The following PCNX1 variants were observed in gnomAD, a reference collection of about 807,000 sequenced individuals.
The protein encoded by PCNX1 is pecanex 1.
Under a neutral mutation model 242.2 loss-of-function variants are expected in PCNX1, and 78 were observed. That is an observed-to-expected ratio of 0.32 (90% CI 0.27 to 0.39). The LOEUF (loss-of-function observed/expected upper bound fraction) is 0.39. PCNX1 is among the 10% of genes least tolerant of loss of function. The probability of loss-of-function intolerance (pLI) is 1.00; values close to 1 mark genes in which losing one functional copy is unlikely to be tolerated. For synonymous variants in PCNX1, 1,024 were observed against 1,032.9 expected (o/e 0.99, Z 0.17); for missense variants, 2,581 against 2,856.5 (o/e 0.90, Z 2.20).
chr14:71,108,794 C>T lies in PCNX1; in HGVS notation c.6492C>T (p.Ser2164=). 6.2e-7 allele frequency: 1 copy of T among 1,614,258 alleles called. No homozygotes were observed. Among genetic ancestry groups the T allele is most frequent in the Non-Finnish European group, 8.5e-7 (1 of 1,180,052 alleles). ...TATCGCTTCGAAACTTGCCATCATC[C>T]ATCCAATCCCGACTGTCGATGGTGA... is the stretch of plus-strand genomic sequence containing the variant. The part of the protein sequence containing the change: ...SQISLRNLPS[S]IQSRLSMVNQ... Residue 2164 remains serine, a synonymous_variant, in exon 34 of 36, where the codon TCC becomes TCT. Coordinates refer to ENST00000304743, the MANE Select transcript of PCNX1 (RefSeq NM_014982.3).
At chr14:71,012,864 G>A (rs568126656) in intron 10 of PCNX1, 121 bp from the exon 11 acceptor site, 1 of 725,676 alleles carries the variant, frequency 1.4e-6, no homozygotes, top group South Asian at 1.7e-5. Context: ...AAATTAAAGG[G>A]CTTAGATAAC....
At chr14:71,051,837 T>C in intron 23 of PCNX1, 46 bp from the exon 24 acceptor site, 9 of 1,591,348 alleles carry the variant, frequency 5.7e-6, no homozygotes, top group Non-Finnish European at 7.7e-6. Flanking sequence ...TTGTTTGGCA[T>C]CTGTGCTCAG....
chr14:71,067,556 CT>C (rs1402586856), intron 26 of PCNX1, among the ~76,000 whole-genome samples: 1 of 152,118 alleles, frequency 6.6e-6, no homozygotes, highest in Non-Finnish European at 1.5e-5. Flanking sequence ...AAAAAACCAG[CT>C]CCTAGCTTCA....
chr14:71,087,173 T>C (rs1474371405), intron 28 of PCNX1, among the ~76,000 whole-genome samples: 1 of 152,204 alleles, frequency 6.6e-6, no homozygotes, highest in Non-Finnish European at 1.5e-5. Context: ...CTTTTATTTT[T>C]CTTTTGTATT....
At chr14:70,940,053 C>T (rs930778091) in intron 1 of PCNX1, among the ~76,000 whole-genome samples, 2 of 152,070 alleles carry the variant, frequency 1.3e-5, no homozygotes, top group African/African-American at 2.4e-5. Context: ...CTGAATGCAG[C>T]GCACACTGAT....
At chr14:71,026,636 C>G (rs549876395) in intron 14 of PCNX1, 136 bp from the exon 15 acceptor site, 6 of 465,718 alleles carry the variant, frequency 1.3e-5, no homozygotes, top group African/African-American at 1.2e-4. Context: ...TGAGAGGTAT[C>G]ATTTAAAATA....
intron 10 of PCNX1, 174 bp from the exon 11 acceptor site, chr14:71,012,809 ACT>A (rs1242756640): frequency 9.1e-6 from 5 of 551,160 alleles, no homozygotes; most frequent in African/African-American, 2.2e-5. Flanking sequence ...TTCAGACAAG[ACT>A]CTGTCTCAAA....
intron 2 of PCNX1, among the ~76,000 whole-genome samples, chr14:70,951,887 T>A (rs983854427): frequency 4.6e-5 from 7 of 152,250 alleles, no homozygotes; most frequent in African/African-American, 1.4e-4. Context: ...TTATCTTTTA[T>A]GTCTTATAAC....
chr14:70,978,555 G>T lies in PCNX1; in HGVS notation c.2218G>T (p.Ala740Ser). The T allele has an allele frequency of 1.9e-6, 3 of 1,614,106 alleles. No individual in the cohort carries two copies. Among genetic ancestry groups the T allele is most frequent in the Non-Finnish European group, 2.5e-6 (3 of 1,179,988 alleles). ...AGATGAGCTATCTTTATTAGGACGG[G>T]CTTCCCAGTTAGAGACAGTCACTCG... ...VLDELSLLGRASQLETVTRSR... is the reference protein window; with the variant it reads ...VLDELSLLGRSSQLETVTRSR... The change falls in exon 6 of 36, where the codon GCT becomes TCT. Residue 740 changes from alanine (A) to serine (S), a missense_variant. Physicochemically the swap from Ala to Ser is moderately conservative, Grantham distance 99. Transcript: ENST00000304743.
In PCNX1 at chr14:70,978,130, A is replaced by G. The variant is rs778806534; in HGVS notation, c.1793A>G (p.His598Arg). The G allele has an allele frequency of 1.9e-6, 3 of 1,614,168 alleles. No homozygotes were observed. The highest frequency in any genetic ancestry group is 1.1e-5 in the South Asian group (1 of 91,084). ...AAGCCACACAGTGCTATATTTTGTC[A>G]TGACGAAGACTCTAGTGATCAGAGT... The part of the protein sequence containing the change: ...GTKPHSAIFC[H>R]DEDSSDQSDL... The change falls in exon 6 of 36, where the codon CAT (histidine) becomes CGT (arginine). Residue 598 changes from histidine to arginine, a missense_variant. Transcript: ENST00000304743.
intron 23 of PCNX1, 60 bp downstream of exon 23, chr14:71,050,820 G>C: frequency 1.4e-6 from 2 of 1,464,300 alleles, no homozygotes; most frequent in Admixed American, 3.7e-5. Context: ...AAGAATGTTG[G>C]TTTATAGGCA....
chr14:71,028,878 C>T (rs1374164084), intron 16 of PCNX1, 87 bp downstream of exon 16: 1 of 705,860 alleles, frequency 1.4e-6, no homozygotes, highest in South Asian at 2.1e-5. Context: ...ATGATTTCTT[C>T]CCCTGGTATC....
At chr14:70,950,205 T>G (rs2057722072) in intron 2 of PCNX1, among the ~76,000 whole-genome samples, 1 of 152,204 alleles carries the variant, frequency 6.6e-6, no homozygotes, top group African/African-American at 2.4e-5. Context: ...TATCTGAAAT[T>G]ATCTTAACAT....
At position 71,011,502 on chromosome 14, in the gene PCNX1, T is replaced by G. The variant is rs2059820338; in HGVS notation, c.2731T>G (p.Ser911Ala). ...RRASNICDTDSHVSSSTSVRF... is the reference protein window; with the variant it reads ...RRASNICDTDAHVSSSTSVRF... ...TTTATTTTATTTTAGTGACACAGATTCTCATGTATCCAGTTCTACCTCAGT... is the reference window on the plus strand; with the variant it reads ...TTTATTTTATTTTAGTGACACAGATGCTCATGTATCCAGTTCTACCTCAGT... Residue 911 changes from serine to alanine, a missense_variant, in exon 10 of 36, where the codon TCT (serine) becomes GCT (alanine). By Grantham distance (99) the Ser-to-Ala change is moderately conservative. This residue lies in a region of PCNX1 where 1,204 missense variants were observed against 1,216.7 expected (regional missense o/e 0.99). Transcript: ENST00000304743. 6.4e-7 allele frequency: 1 copy of G among 1,563,214 alleles called. No homozygotes were observed. The highest frequency in any genetic ancestry group is 1.4e-5 in the African/African-American group (1 of 73,844).
At chr14:70,972,188 A>ACGCATCAG (rs1203656655) in intron 5 of PCNX1, among the ~76,000 whole-genome samples, 1 of 151,042 alleles carries the variant, frequency 6.6e-6, no homozygotes, top group African/African-American at 2.4e-5. Flanking sequence ...CTTTTGAGTT[A>ACGCATCAG]CGCATCAGGG....
At chr14:70,991,431 C>A (rs2059163765) in intron 7 of PCNX1, among the ~76,000 whole-genome samples, 1 of 152,068 alleles carries the variant, frequency 6.6e-6, no homozygotes. Flanking sequence ...GTCTTGAACT[C>A]CTGACCTCGT....
Position 70,984,218 on chromosome 14 carries a change from C to T in PCNX1, c.2312-4349C>T, listed in dbSNP as rs72724338. Among the ~76,000 whole-genome samples, 1,377 of 151,356 alleles carry T rather than the reference C, an allele frequency of 9.1e-3. 48 individuals are homozygous for T. Among genetic ancestry groups the T allele is most frequent in the South Asian group, 0.018 (84 of 4,792 alleles). On this transcript the variant is annotated intron_variant, in intron 6 of 35. Coordinates refer to ENST00000304743, the MANE Select transcript of PCNX1 (RefSeq NM_014982.3). ...TCCAGATTTACACCTTTTCCCCCCA[C>T]GATAAACATTTCTCACTGGAAAGAA... is the stretch of plus-strand genomic sequence containing the variant.
chr14:71,013,153 T>A lies in PCNX1; in HGVS notation c.2947T>A (p.Trp983Arg). The change falls in exon 11 of 36, where the codon TGG becomes AGG. Residue 983 changes from tryptophan (W) to arginine (R), a missense_variant. This residue lies in a region of PCNX1 where 1,204 missense variants were observed against 1,216.7 expected (regional missense o/e 0.99). Transcript: ENST00000304743. ...YYRFWILPQL[W>R]IGINFDRLTL... is the part of the protein sequence containing the mutation. ...TCGCTTTTGGATCCTACCCCAGCTGTGGATTGGCATTAACTTTGACAGACT... is the reference window on the plus strand; with the variant it reads ...TCGCTTTTGGATCCTACCCCAGCTGAGGATTGGCATTAACTTTGACAGACT... 6.2e-7 allele frequency: 1 copy of A among 1,614,152 alleles called. No homozygotes were observed. The highest frequency in any genetic ancestry group is 1.1e-5 in the South Asian group (1 of 91,084).
intron 2 of PCNX1, among the ~76,000 whole-genome samples, chr14:70,948,237 C>T (rs2057538755): frequency 6.6e-6 from 1 of 152,132 alleles, no homozygotes; most frequent in African/African-American, 2.4e-5. Flanking sequence ...ACACCCCTCC[C>T]CTTTTGAAAT....
Sources: allele counts gnomAD v4.1 joint callset (sites outside exome capture counted in the v4.1 genomes callset), GRCh38; gene constraint gnomAD v4.1.1; regional missense constraint gnomAD v4.1.1; transcripts MANE v1.5; gene names NCBI Gene and HGNC (gene_info 2026-07-23, HGNC 2026-07-21).